Variants in IFT52 observed in about 807,000 individuals in gnomAD.
IFT52 encodes the protein intraflagellar transport protein 52 homolog.
A neutral mutation model predicts 54.4 loss-of-function variants in IFT52; 44 were observed. That is an observed-to-expected ratio of 0.81 (90% CI 0.63 to 1.04). IFT52 has a LOEUF of 1.04. Ranked by LOEUF, IFT52 falls within the 50% of genes least tolerant of loss-of-function variation. IFT52 has a pLI of 0.00. For synonymous variants in IFT52, 181 were observed against 185.3 expected, an observed-to-expected ratio of 0.98 and a Z score of 0.19; for missense variants, 452 against 523.6, an observed-to-expected ratio of 0.86 and a Z score of 1.33.
intron 6 of IFT52, among the ~76,000 whole-genome samples, chr20:43,605,909 G>T (rs1982833244): frequency 6.6e-6 from 1 of 152,116 alleles, no homozygotes; most frequent in Non-Finnish European, 1.5e-5. Context: ...CTTAACTTCT[G>T]TTCCGTATTG....
chr20:43,646,987 C>CCATGCCTCTT lies in IFT52; in HGVS notation c.*5_*14dup. 1 of 1,612,584 alleles carries CCATGCCTCTT rather than the reference C, an allele frequency of 6.2e-7. No individual in the cohort carries two copies. The highest frequency in any genetic ancestry group is 8.5e-7 in the Non-Finnish European group (1 of 1,178,688). The stretch of plus-strand genomic sequence containing the variant: ...AGCATTCCAGAACAATTTCTGAAGA[C>CCATGCCTCTT]CATGCCTCTTGAAGCTTTTTCTGCC... On this transcript the variant is annotated 3_prime_UTR_variant, in exon 14 of 14. Transcript: ENST00000373030.
chr20:43,594,258 A>G (rs760674785), intron 1 of IFT52, among the ~76,000 whole-genome samples: 1 of 152,184 alleles, frequency 6.6e-6, no homozygotes, highest in African/African-American at 2.4e-5. Context: ...CAGTGAGCCA[A>G]GATCACACCA....
At chr20:43,599,325 G>C (rs540832432) in intron 3 of IFT52, among the ~76,000 whole-genome samples, 2 of 152,170 alleles carry the variant, frequency 1.3e-5, no homozygotes, top group Non-Finnish European at 2.9e-5. Flanking sequence ...AGAACCTGGT[G>C]CCTGGGCCTT....
chr20:43,639,090 T>A (rs1985735896), intron 12 of IFT52, among the ~76,000 whole-genome samples: 1 of 152,042 alleles, frequency 6.6e-6, no homozygotes, highest in Admixed American at 6.6e-5. Flanking sequence ...CCTATGGAAA[T>A]CCTTGTAGAA....
At position 43,606,840 on chromosome 20, in the gene IFT52, C is replaced by T. The variant is rs537116873; in HGVS notation, c.485+1767C>T. 1.7e-4 allele frequency among the ~76,000 whole-genome samples: 26 copies of T among 152,256 alleles called. 1 individual carries two copies. Among genetic ancestry groups the T allele is most frequent in the African/African-American group, 4.1e-4 (17 of 41,558 alleles). ...CTGTTTGACAAAGCACATCTTGCACCGCCCTTAATCCATTTAACCCTGAGT... is the reference window on the plus strand; with the variant it reads ...CTGTTTGACAAAGCACATCTTGCACTGCCCTTAATCCATTTAACCCTGAGT... On this transcript the variant is annotated intron_variant, in intron 6 of 13. Transcript: ENST00000373030.
intron 3 of IFT52, among the ~76,000 whole-genome samples, chr20:43,602,930 T>A (rs1289838209): frequency 2.0e-5 from 3 of 152,236 alleles, no homozygotes. Flanking sequence ...AAGGAAATTA[T>A]GTTTATTATT....
rs534230891 is a variant in IFT52 at position 43,647,051 on chromosome 20, T to C, written c.*68T>C. On this transcript the variant is annotated 3_prime_UTR_variant, in exon 14 of 14. Coordinates refer to ENST00000373030, the MANE Select transcript of IFT52 (RefSeq NM_016004.5). ...TTTGTAAACTATTTTCAAATTGTTT[T>C]TCAACTCCTTATCAAAATTGTTTAT... 3.0e-5 allele frequency: 41 copies of C among 1,366,272 alleles called. No individual in the cohort carries two copies. In the East Asian group the frequency reaches 8.7e-4, roughly 29 times the overall value. The allele number at this position is 1,366,272 out of a possible 1,614,324, so 84.6% of individuals were successfully genotyped here. A position where few individuals can be genotyped will look rare whatever the true frequency, so the allele number is the denominator to read the frequency against.
At chr20:43,616,187 G>A (rs1983843960) in intron 7 of IFT52, among the ~76,000 whole-genome samples, 2 of 151,892 alleles carry the variant, frequency 1.3e-5, no homozygotes, top group Non-Finnish European at 2.9e-5. Context: ...TATTGAACTG[G>A]TTTTCTCATT....
intron 8 of IFT52, 24 bp downstream of exon 8, chr20:43,619,050 T>A: frequency 7.0e-7 from 1 of 1,420,890 alleles, no homozygotes; most frequent in Non-Finnish European, 9.9e-7. Flanking sequence ...TTTGTCATAT[T>A]AATATACAAT....
intron 12 of IFT52, among the ~76,000 whole-genome samples, chr20:43,640,838 C>T (rs1201272884): frequency 6.6e-6 from 1 of 151,992 alleles, no homozygotes; most frequent in Non-Finnish European, 1.5e-5. Flanking sequence ...GAGTTCGAGA[C>T]CAGCTTGGGC....
chr20:43,607,059 C>T (rs889436945), intron 6 of IFT52, among the ~76,000 whole-genome samples: 23 of 152,348 alleles, frequency 1.5e-4, no homozygotes, highest in Admixed American at 5.9e-4. Flanking sequence ...TCCACAAAAC[C>T]GCCATTGTCA....
chr20:43,606,591 A>AT (rs537062886), intron 6 of IFT52, among the ~76,000 whole-genome samples: 3,012 of 145,296 alleles, frequency 0.021, 71 homozygotes, highest in African/African-American at 0.058. Context: ...TTGTGGTAGT[A>AT]TTTTTTTTTT....
intron 8 of IFT52, among the ~76,000 whole-genome samples, chr20:43,619,909 A>AAT: frequency 1.2e-5 from 1 of 86,746 alleles, no homozygotes; most frequent in Non-Finnish European, 2.2e-5. Flanking sequence ...TAGATATTCT[A>AAT]CTTTTTTTTT....
chr20:43,618,784 A>G (rs1984056278), intron 7 of IFT52, among the ~76,000 whole-genome samples, 156 bp from the exon 8 acceptor site: 1 of 152,062 alleles, frequency 6.6e-6, no homozygotes, highest in Non-Finnish European at 1.5e-5. Context: ...CGCCTGGCCT[A>G]TAGTTGGTAT....
At chr20:43,623,808 G>C (rs750877376) in intron 9 of IFT52, 83 bp from the exon 10 acceptor site, 5 of 1,431,412 alleles carry the variant, frequency 3.5e-6, no homozygotes, top group Non-Finnish European at 4.8e-6. Context: ...AAATGTTGCA[G>C]ATTTAGACCT....
chr20:43,616,401 C>A (rs1983858481), intron 7 of IFT52, among the ~76,000 whole-genome samples: 2 of 151,524 alleles, frequency 1.3e-5, no homozygotes, highest in African/African-American at 4.8e-5. Context: ...CCCAGCTACT[C>A]CAGAGACTGA....
intron 9 of IFT52, among the ~76,000 whole-genome samples, chr20:43,621,525 C>T (rs1184455641): frequency 6.6e-6 from 1 of 152,190 alleles, no homozygotes; most frequent in Non-Finnish European, 1.5e-5. Context: ...TGTAGTGGCA[C>T]AATCTCAGCT....
At chr20:43,607,367 C>G (rs1036880088) in intron 6 of IFT52, among the ~76,000 whole-genome samples, 1 of 151,610 alleles carries the variant, frequency 6.6e-6, no homozygotes, top group African/African-American at 2.4e-5. Flanking sequence ...CTCCTCACTT[C>G]CCAGACAGGG....
intron 12 of IFT52, chr20:43,642,254 G>T: frequency 2.2e-6 from 1 of 452,304 alleles, no homozygotes; most frequent in Non-Finnish European, 3.9e-6. Context: ...GCCAGTACCA[G>T]TCCAGTTTTA....
Sources: gnomAD v4.1 joint callset for allele counts (sites outside exome capture counted in the v4.1 genomes callset) on GRCh38, gnomAD v4.1.1 for gene constraint, MANE v1.5 for transcripts, NCBI Gene and HGNC (gene_info 2026-07-23, HGNC 2026-07-21) for gene names.